Variants in BBS9 observed in about 807,000 individuals in gnomAD.
The protein encoded by BBS9 is protein PTHB1.
A neutral mutation model predicts 117.7 loss-of-function variants in BBS9; 89 were observed. That is an observed-to-expected ratio of 0.76 (90% CI 0.64 to 0.90). BBS9 has a LOEUF of 0.90. Ranked by LOEUF, BBS9 falls within the 40% of genes least tolerant of loss-of-function variation. The probability of loss-of-function intolerance (pLI) is 0.00; values close to 1 mark genes in which losing one functional copy is unlikely to be tolerated. For missense variants in BBS9, 982 were observed against 1,042.2 expected, an observed-to-expected ratio of 0.94 and a Z score of 0.80; for synonymous variants, 379 against 370.9, an observed-to-expected ratio of 1.02 and a Z score of -0.25.
intron 19 of BBS9, among the ~76,000 whole-genome samples, chr7:33,482,986 G>A (rs895700566): frequency 1.3e-5 from 2 of 152,142 alleles, no homozygotes; most frequent in Non-Finnish European, 2.9e-5. Flanking sequence ...TATTTTAAGA[G>A]TGGATTAGTA....
intron 19 of BBS9, among the ~76,000 whole-genome samples, chr7:33,391,673 G>A (rs1030777745): frequency 4.0e-5 from 6 of 151,870 alleles, no homozygotes; most frequent in Admixed American, 6.6e-5. Flanking sequence ...TATGACTTGC[G>A]TATGTACACA....
At position 33,603,348 on chromosome 7, in the gene BBS9, C is replaced by G. The variant is rs150684081; in HGVS notation, c.2522-1517C>G. On this transcript the variant is annotated intron_variant, in intron 21 of 22. Transcript: ENST00000242067. ...GGTCTCCCCTCAGCCCCTGCCACCA[C>G]CGCATATACCCTTTGCCTTTTTACT... Among the ~76,000 whole-genome samples, 190 of 152,218 alleles carry G rather than the reference C, an allele frequency of 1.2e-3. 1 individual carries two copies. Among genetic ancestry groups the G allele is most frequent in the African/African-American group, 4.4e-3 (184 of 41,518 alleles).
intron 19 of BBS9, among the ~76,000 whole-genome samples, chr7:33,479,406 C>G (rs1842219465): frequency 6.6e-6 from 1 of 152,182 alleles, no homozygotes; most frequent in Admixed American, 6.5e-5. Flanking sequence ...ATAATGGTCT[C>G]TAGCTACATC....
chr7:33,410,183 G>A (rs1005798932), intron 19 of BBS9, among the ~76,000 whole-genome samples: 1 of 152,148 alleles, frequency 6.6e-6, no homozygotes, highest in African/African-American at 2.4e-5. Flanking sequence ...AGACCTCAGA[G>A]AAAAATGTGT....
intron 2 of BBS9, among the ~76,000 whole-genome samples, chr7:33,146,667 C>A (rs1479917893): frequency 6.9e-6 from 1 of 145,306 alleles, no homozygotes; most frequent in Non-Finnish European, 1.5e-5. Context: ...CCACTACACT[C>A]CAACCTGGGC....
chr7:33,450,864 GTTTT>G (rs144231724), intron 19 of BBS9, among the ~76,000 whole-genome samples: 12 of 140,276 alleles, frequency 8.6e-5, no homozygotes, highest in East Asian at 3.1e-4. Flanking sequence ...CTGTTCAGAA[GTTTT>G]TTTTTTTTGT....
chr7:33,625,518 A>T (rs543012410), intron 21 of BBS9, among the ~76,000 whole-genome samples: 78 of 152,264 alleles, frequency 5.1e-4, no homozygotes, highest in African/African-American at 1.9e-3. Flanking sequence ...ATGACTACTG[A>T]TCCTCTGGAT....
chr7:33,332,676 CAAAACA>C (rs1276566064), intron 9 of BBS9, among the ~76,000 whole-genome samples: 3 of 56,236 alleles, frequency 5.3e-5, no homozygotes, highest in African/African-American at 1.8e-4. Flanking sequence ...GGCTCCATGT[CAAAACA>C]ACAACAACAA....
chr7:33,301,179 G>A (rs1373914145), intron 9 of BBS9, among the ~76,000 whole-genome samples: 1 of 151,828 alleles, frequency 6.6e-6, no homozygotes, highest in Non-Finnish European at 1.5e-5. Context: ...TTTAATACAG[G>A]CATGGAATGC....
At chr7:33,298,147 AT>A (rs1161614916) in intron 9 of BBS9, among the ~76,000 whole-genome samples, 4 of 151,382 alleles carry the variant, frequency 2.6e-5, no homozygotes, top group South Asian at 2.1e-4. Context: ...TTTCATTTTA[AT>A]TTTTTTTTAT....
chr7:33,318,301 A>G (rs1810961079), intron 9 of BBS9, among the ~76,000 whole-genome samples: 1 of 152,082 alleles, frequency 6.6e-6, no homozygotes, highest in Non-Finnish European at 1.5e-5. Context: ...TGTTTCATGT[A>G]TTTGCTTCTT....
chr7:33,387,018 G>A (rs1256232908), intron 18 of BBS9, among the ~76,000 whole-genome samples: 1 of 151,830 alleles, frequency 6.6e-6, no homozygotes, highest in East Asian at 1.9e-4. Context: ...ATACTATTTT[G>A]TATTGTTTTG....
chr7:33,344,685 A>C, intron 12 of BBS9, 51 bp downstream of exon 12: 1 of 1,533,150 alleles, frequency 6.5e-7, no homozygotes, highest in Non-Finnish European at 9.0e-7. Context: ...GATTTATTTC[A>C]TTACATCTGT....
At position 33,168,993 on chromosome 7, in the gene BBS9, A is replaced by T. The variant is rs12672991; in HGVS notation, c.329-8485A>T. On this transcript the variant is annotated intron_variant, in intron 4 of 22. Coordinates refer to ENST00000242067, the MANE Select transcript of BBS9 (RefSeq NM_198428.3). ...ACCCCACCACAGTCCCCAGAGTGTG[A>T]TATTCCCCTTCCTGTGTCCATGTGA... Among the ~76,000 whole-genome samples, 2,657 of 149,148 alleles carry T rather than the reference A, an allele frequency of 0.018. 219 individuals carry two copies. The East Asian group carries it at 0.28, about 16-fold the overall frequency.
At chr7:33,288,456 C>G (rs566721519) in intron 9 of BBS9, among the ~76,000 whole-genome samples, 1 of 152,016 alleles carries the variant, frequency 6.6e-6, no homozygotes, top group Non-Finnish European at 1.5e-5. Context: ...TCTGGGAATT[C>G]GTTAACGTTG....
rs577449777 is a variant in BBS9, at chr7:33,529,626, T to TC, written c.2299-4325dup. Among the ~76,000 whole-genome samples, 149 of 151,088 alleles carry TC rather than the reference T, an allele frequency of 9.9e-4. 1 individual carries two copies. The highest frequency in any genetic ancestry group is 3.5e-3 in the African/African-American group (144 of 41,242). ...TCCCTCCCCTCCTCTCCCATCCCCT[T>TC]CCCTTCCCCAGTTGCCTCCCACTCC... is the stretch of plus-strand genomic sequence containing the variant. On this transcript the variant is annotated intron_variant, in intron 20 of 22. Coordinates refer to ENST00000242067, the MANE Select transcript of BBS9 (RefSeq NM_198428.3).
intron 4 of BBS9, among the ~76,000 whole-genome samples, chr7:33,172,137 T>C (rs559423117): frequency 6.6e-6 from 1 of 152,082 alleles, no homozygotes; most frequent in African/African-American, 2.4e-5. Flanking sequence ...TCCCAGCACT[T>C]TGGGAGGCCG....
At chr7:33,531,780 T>C (rs969253716) in intron 20 of BBS9, among the ~76,000 whole-genome samples, 9 of 152,198 alleles carry the variant, frequency 5.9e-5, no homozygotes, top group African/African-American at 2.2e-4. Flanking sequence ...TGGTTACACA[T>C]GTCCCTGAAA....
chr7:33,136,668 G>A (rs1790512264), intron 1 of BBS9, among the ~76,000 whole-genome samples: 1 of 152,104 alleles, frequency 6.6e-6, no homozygotes, highest in South Asian at 2.1e-4. Flanking sequence ...GCATTCCTCA[G>A]GCAACACCAT....
Sources: allele counts gnomAD v4.1 joint callset (sites outside exome capture counted in the v4.1 genomes callset), GRCh38; gene constraint gnomAD v4.1.1; transcripts MANE v1.5; gene names NCBI Gene and HGNC (gene_info 2026-07-23, HGNC 2026-07-21).